MAEA: variants seen among roughly 807,000 people sequenced by gnomAD.
MAEA encodes the protein E3 ubiquitin-protein transferase MAEA.
Under a neutral mutation model 46.2 loss-of-function variants are expected in MAEA, and 22 were observed. That is an observed-to-expected ratio of 0.48 (90% CI 0.34 to 0.68). The LOEUF (loss-of-function observed/expected upper bound fraction) is 0.68. MAEA is among the 30% of genes least tolerant of loss of function. MAEA has a pLI of 0.01. For synonymous variants in MAEA, 246 were observed against 222.6 expected (o/e 1.11, Z -0.94); for missense variants, 393 against 558.1 (o/e 0.70, Z 2.98).
intron 1 of MAEA, among the ~76,000 whole-genome samples, chr4:1,301,829 T>C (rs1160889093): frequency 6.6e-6 from 1 of 152,232 alleles, no homozygotes; most frequent in Non-Finnish European, 1.5e-5. Context: ...AAGTTAAAAG[T>C]GATGACCGAA....
chr4:1,298,708 G>A (rs1171159706), intron 1 of MAEA, among the ~76,000 whole-genome samples: 1 of 152,112 alleles, frequency 6.6e-6, no homozygotes, highest in Non-Finnish European at 1.5e-5. Context: ...CCTGGGTGTT[G>A]CTGTGAGCAC....
Position 1,314,473 on chromosome 4 carries a change from C to T in MAEA, c.253-924C>T, listed in dbSNP as rs901110502. 4.6e-5 allele frequency among the ~76,000 whole-genome samples: 7 copies of T among 152,070 alleles called. No individual in the cohort carries two copies. The South Asian group carries it at 6.2e-4, about 14-fold the overall frequency. ...CAGAATTAGTGAACTGGAGGGTGATCGAGAATGGAGCACAGAGACTGAAAA... is the reference window on the plus strand; with the variant it reads ...CAGAATTAGTGAACTGGAGGGTGATTGAGAATGGAGCACAGAGACTGAAAA... On this transcript the variant is annotated intron_variant, in intron 2 of 8. Transcript: ENST00000303400.
intron 1 of MAEA, among the ~76,000 whole-genome samples, chr4:1,308,521 C>T (rs1024166208): frequency 9.9e-5 from 15 of 152,218 alleles, no homozygotes; most frequent in South Asian, 4.1e-4. Context: ...CTACACGCTG[C>T]GCCGGGCACG....
intron 3 of MAEA, among the ~76,000 whole-genome samples, chr4:1,317,263 A>G (rs1213508451): frequency 6.6e-4 from 22 of 33,382 alleles, no homozygotes; most frequent in East Asian, 1.0e-3. Context: ...GGCCCACCCC[A>G]GCCCCCACAC....
At chr4:1,301,233 G>A (rs984115208) in intron 1 of MAEA, among the ~76,000 whole-genome samples, 1 of 152,250 alleles carries the variant, frequency 6.6e-6, no homozygotes, top group African/African-American at 2.4e-5. Flanking sequence ...AAGGTTTGAG[G>A]AAGCGCATCC....
intron 5 of MAEA, chr4:1,330,244 C>A: frequency 1.7e-6 from 1 of 605,436 alleles, no homozygotes; most frequent in Non-Finnish European, 2.1e-6. Context: ...CAGCTCCGTG[C>A]CGTCTGTCGC....
chr4:1,292,351 C>T (rs528963695), intron 1 of MAEA, among the ~76,000 whole-genome samples: 7 of 152,322 alleles, frequency 4.6e-5, no homozygotes, highest in African/African-American at 1.7e-4. Context: ...TGTCTGCTTC[C>T]TCACAGCGTC....
intron 3 of MAEA, among the ~76,000 whole-genome samples, chr4:1,315,865 G>A (rs1338665730): frequency 3.1e-5 from 1 of 32,592 alleles, no homozygotes; most frequent in East Asian, 1.1e-3. Flanking sequence ...TCCCCTTCCC[G>A]TGTGTGTGCC....
At chr4:1,291,878 A>G (rs1367043728) in intron 1 of MAEA, among the ~76,000 whole-genome samples, 2 of 152,236 alleles carry the variant, frequency 1.3e-5, no homozygotes, top group Admixed American at 6.5e-5. Flanking sequence ...TTATAGTGTC[A>G]TAATTTCTCT....
chr4:1,315,593 G>T lies in MAEA; in HGVS notation c.449G>T (p.Gly150Val). ...GCTGTCAAGCTGGCGCGCCAGAGCG[G>T]CATCGAGGTGGGTGCCCGCCAGACG... ...NTAVKLARQSGIEDLVNIEMF... is the reference protein window; with the variant it reads ...NTAVKLARQSVIEDLVNIEMF... The change falls in exon 3 of 9, where the codon GGC becomes GTC. Residue 150 changes from glycine (G) to valine (V), a missense_variant. Around this residue, in one of 2 missense-constraint regions of MAEA, gnomAD observed 358 missense variants for 537.9 expected, o/e 0.67. Coordinates refer to ENST00000303400, the MANE Select transcript of MAEA (RefSeq NM_001017405.3). The T allele has an allele frequency of 6.2e-7, 1 of 1,612,852 alleles. No individual in the cohort carries two copies.
intron 1 of MAEA, among the ~76,000 whole-genome samples, chr4:1,290,934 A>G (rs183065959): frequency 2.6e-5 from 4 of 152,212 alleles, no homozygotes; most frequent in African/African-American, 9.6e-5. Flanking sequence ...ACTGGGAGAC[A>G]TCAGGGCCCG....
intron 6 of MAEA, chr4:1,335,738 C>T (rs1712674211): frequency 1.0e-6 from 1 of 985,150 alleles, no homozygotes; most frequent in Non-Finnish European, 1.2e-6. Context: ...GTGTTGAAAT[C>T]ACAGAGTTAA....
At chr4:1,294,095 T>G (rs1031163305) in intron 1 of MAEA, among the ~76,000 whole-genome samples, 2 of 152,232 alleles carry the variant, frequency 1.3e-5, no homozygotes, top group African/African-American at 2.4e-5. Flanking sequence ...TGTGGCCGGC[T>G]TTTTCGATGT....
chr4:1,299,069 G>A (rs1027519271), intron 1 of MAEA, among the ~76,000 whole-genome samples: 1 of 151,988 alleles, frequency 6.6e-6, no homozygotes, highest in East Asian at 1.9e-4. Context: ...TGTAGAGATA[G>A]GTTCTAGCTC....
intron 1 of MAEA, among the ~76,000 whole-genome samples, chr4:1,302,984 A>G (rs952039694): frequency 6.6e-6 from 1 of 152,084 alleles, no homozygotes; most frequent in African/African-American, 2.4e-5. Flanking sequence ...CCTCATACGC[A>G]GCCACCTCGG....
chr4:1,317,337 TGGACTCATCTGCAGGCCCCACACTCC>T (rs1476269764), intron 3 of MAEA, among the ~76,000 whole-genome samples: 3,450 of 111,400 alleles, frequency 0.031, 100 homozygotes, highest in African/African-American at 0.084. Context: ...CCCCACACTC[TGGACTCATCTGCAGGCCCCACACTCC>T]GGACTCATCT....
chr4:1,293,917 C>G (rs978232895), intron 1 of MAEA, among the ~76,000 whole-genome samples: 2 of 152,224 alleles, frequency 1.3e-5, no homozygotes, highest in Non-Finnish European at 2.9e-5. Flanking sequence ...GCTCCTGCGC[C>G]TTTTGTAGTT....
In MAEA at chr4:1,313,514, G is replaced by A. The variant is rs140661393; in HGVS notation, c.252+1353G>A. ...GCTGAGGCAGCAGAATCACTTGAGC[G>A]CAGGAGTTTGAGACCAGCCTGGGCA... On this transcript the variant is annotated intron_variant, in intron 2 of 8. Transcript: ENST00000303400. Among the ~76,000 whole-genome samples the A allele has an allele frequency of 5.0e-3, 767 of 152,162 alleles. 4 individuals are homozygous for A. Among genetic ancestry groups the A allele is most frequent in the Middle Eastern group, 0.048 (14 of 294 alleles).
At chr4:1,291,238 C>G (rs1461634746) in intron 1 of MAEA, among the ~76,000 whole-genome samples, 1 of 152,134 alleles carries the variant, frequency 6.6e-6, no homozygotes, top group African/African-American at 2.4e-5. Flanking sequence ...TTAAGCGATC[C>G]TCCTGCCTTT....
Sources: allele counts gnomAD v4.1 joint callset (sites outside exome capture counted in the v4.1 genomes callset), GRCh38; gene constraint gnomAD v4.1.1; regional missense constraint gnomAD v4.1.1; transcripts MANE v1.5; gene names NCBI Gene and HGNC (gene_info 2026-07-23, HGNC 2026-07-21).